Variants in CTR9 observed in about 807,000 individuals in gnomAD.
The protein encoded by CTR9 is CTR9 component of Paf1/RNA polymerase II complex, also known as RNA polymerase-associated protein CTR9 homolog.
CTR9 carries 41 observed loss-of-function variants against 152.1 expected under a neutral mutation model. The ratio of observed to expected loss-of-function variants is 0.27; its 90% CI spans 0.21 to 0.35. CTR9 has a LOEUF of 0.35. Ranked by LOEUF, CTR9 falls within the 10% of genes least tolerant of loss-of-function variation. The pLI is 1.00. For synonymous variants in CTR9, 476 were observed against 496.2 expected (o/e 0.96, Z 0.54); for missense variants, 917 against 1,424.4 (o/e 0.64, Z 5.73).
rs970953177 is a variant in CTR9, at chr11:10,773,068, A to C, written c.2581-59A>C. The C allele has an allele frequency of 7.7e-6, 12 of 1,558,228 alleles. No homozygotes were observed. In the African/African-American group the frequency reaches 1.7e-4, roughly 22 times the overall value. ...TCCTCTGCTTAGGATGGTAGCCATT[A>C]ATTTTTCATCATAAGAAAATTTGCA... is the stretch of plus-strand genomic sequence containing the variant. On this transcript the variant is annotated intron_variant, in intron 20 of 24. Coordinates refer to ENST00000361367, the MANE Select transcript of CTR9 (RefSeq NM_014633.5).
rs540034855 is a variant in CTR9 at position 10,752,743 on chromosome 11, A to C, written c.117A>C (p.Thr39=). 1 of 1,613,800 alleles carries C rather than the reference A, an allele frequency of 6.2e-7. No individual in the cohort carries two copies. Among genetic ancestry groups the C allele is most frequent in the South Asian group, 1.1e-5 (1 of 91,086 alleles). ...TCAGTATTCTGAAACAGGAACACAC[A>C]CAACTGCACATATGGATTGCTTTGG... ...EVISILKQEH[T]QLHIWIALAL... is the part of the protein sequence containing the mutation. Residue 39 remains threonine, a synonymous_variant, in exon 2 of 25, where the codon ACA becomes ACC. Transcript: ENST00000361367.
In CTR9 at chr11:10,763,856, C is replaced by G. The variant is rs758762967; in HGVS notation, c.1171C>G (p.Gln391Glu). The G allele has an allele frequency of 1.2e-6, 2 of 1,606,316 alleles. No homozygotes were observed. Among genetic ancestry groups the G allele is most frequent in the Non-Finnish European group, 8.5e-7 (1 of 1,177,902 alleles). The change falls in exon 9 of 25, where the codon CAA becomes GAA. Residue 391 changes from glutamine to glutamate, a missense_variant. Around this residue, in one of 9 missense-constraint regions of CTR9, gnomAD observed 133 missense variants for 244.1 expected, o/e 0.54. Transcript: ENST00000361367. ...CTCTCTCTATGCTGCCTCAGAAGAT[C>G]AAGAAAAACGAGATATTGCCAAGGT... is the stretch of plus-strand genomic sequence containing the variant. ...LGSLYAASED[Q>E]EKRDIAKGHL...
rs6484480 is a variant in CTR9, at chr11:10,752,445, C to T, written c.46-227C>T. Among the ~76,000 whole-genome samples, 152,168 of 152,342 alleles carry T rather than the reference C, an allele frequency of 1. 75,997 individuals are homozygous for T. Among genetic ancestry groups the T allele is most frequent in the Middle Eastern group, 1 (294 of 294 alleles). ...TCTAGTATTTTATAGTTCCAGTGATCTGGGGACAAGTAGCAGGGTTTGTTT... is the reference window on the plus strand; with the variant it reads ...TCTAGTATTTTATAGTTCCAGTGATTTGGGGACAAGTAGCAGGGTTTGTTT... On this transcript the variant is annotated intron_variant, in intron 1 of 24. Transcript: ENST00000361367.
intron 22 of CTR9, among the ~76,000 whole-genome samples, chr11:10,774,959 A>G (rs1863206983): frequency 6.6e-6 from 1 of 152,184 alleles, no homozygotes; most frequent in African/African-American, 2.4e-5. Context: ...GCAAGATTCA[A>G]ATGCAAATTA....
At chr11:10,777,378 A>G (rs1408528417) in intron 24 of CTR9, among the ~76,000 whole-genome samples, 1 of 152,118 alleles carries the variant, frequency 6.6e-6, no homozygotes, top group Non-Finnish European at 1.5e-5. Context: ...AGCAAGTGAG[A>G]CAGAAATTTT....
chr11:10,772,992 A>G, intron 20 of CTR9, 135 bp from the exon 21 acceptor site: 2 of 993,974 alleles, frequency 2.0e-6, no homozygotes, highest in South Asian at 3.3e-5. Flanking sequence ...GCACCACTGT[A>G]CTCCAGTCTA....
At chr11:10,771,454 CA>C (rs1863141669) in intron 18 of CTR9, 90 bp from the exon 19 acceptor site, 1 of 911,098 alleles carries the variant, frequency 1.1e-6, no homozygotes. Flanking sequence ...AACCTTTTCT[CA>C]GACTTTGTAG....
In CTR9 at chr11:10,755,146, A is replaced by C. The variant is rs533901991; in HGVS notation, c.333A>C (p.Thr111=). 1.2e-6 allele frequency: 2 copies of C among 1,613,854 alleles called. No individual in the cohort carries two copies. The highest frequency in any genetic ancestry group is 3.3e-5 in the Admixed American group (2 of 60,032). ...KNKDNKKDLI[T]QATLLYTMAD... Reference sequence around the variant, plus strand: ...AGGACAATAAAAAGGATCTTATTACACAGGCCACCTTGTTGTATACAATGG... The same window carrying C: ...AGGACAATAAAAAGGATCTTATTACCCAGGCCACCTTGTTGTATACAATGG... The change falls in exon 3 of 25, where the codon ACA becomes ACC. Residue 111 remains threonine, a synonymous_variant. Transcript: ENST00000361367.
chr11:10,770,875 G>T (rs1255523923), intron 18 of CTR9, among the ~76,000 whole-genome samples: 4 of 152,230 alleles, frequency 2.6e-5, no homozygotes, highest in Admixed American at 2.6e-4. Flanking sequence ...TTTGGATCTT[G>T]TAGCTTGACC....
At position 10,767,733 on chromosome 11, in the gene CTR9, C is replaced by T. The variant is rs1863081846; in HGVS notation, c.1687-73C>T. On this transcript the variant is annotated intron_variant, in intron 13 of 24. Transcript: ENST00000361367. The surrounding 1 kb of genome is among the most constrained non-coding windows in gnomAD (Gnocchi z 4.0). ...GTTTGTAAACCTCTTCAGTAATCAG[C>T]TATTGTGGGAAGATGATTGATCTCT... 5 of 1,262,872 alleles carry T rather than the reference C, an allele frequency of 4.0e-6. No homozygotes were observed. The East Asian group carries it at 9.3e-5, about 23-fold the overall frequency. 78.2% of individuals were successfully genotyped at this position (1,262,872 alleles called of 1,614,324 possible). A position where few individuals can be genotyped will look rare whatever the true frequency, so the allele number is the denominator to read the frequency against.
In CTR9 at chr11:10,776,971, G is replaced by GAAAA. The variant is rs11326865; in HGVS notation, c.3095+1360_3095+1363dup. Among the ~76,000 whole-genome samples, 34 of 63,234 alleles carry GAAAA rather than the reference G, an allele frequency of 5.4e-4. 1 individual carries two copies. The highest frequency in any genetic ancestry group is 1.6e-3 in the Admixed American group (6 of 3,708). The allele number at this position is 63,234 out of a possible 152,430, so 41.5% of individuals were successfully genotyped here. On this transcript the variant is annotated intron_variant, in intron 24 of 24. Transcript: ENST00000361367. ...CTGGGCAACAGAATGAGACTCTTGTGAAAAAAAAAAAAAAAAAAAAAAAAA... is the reference window on the plus strand; with the variant it reads ...CTGGGCAACAGAATGAGACTCTTGTGAAAAAAAAAAAAAAAAAAAAAAAAAAAAA...
chr11:10,757,459 G>A (rs1862903654), intron 5 of CTR9, among the ~76,000 whole-genome samples: 1 of 151,276 alleles, frequency 6.6e-6, no homozygotes, highest in African/African-American at 2.4e-5. Flanking sequence ...AGTGCTTGTG[G>A]TCGCACCTAC....
intron 12 of CTR9, among the ~76,000 whole-genome samples, chr11:10,765,475 T>C (rs1863045046): frequency 1.3e-5 from 2 of 152,136 alleles, no homozygotes; most frequent in South Asian, 4.1e-4. Flanking sequence ...TTTTGTTTTG[T>C]TTTTAAGATG....
intron 22 of CTR9, 135 bp downstream of exon 22, chr11:10,774,304 A>G (rs757409331): frequency 4.4e-5 from 47 of 1,075,096 alleles, no homozygotes; most frequent in Non-Finnish European, 6.0e-5. Context: ...CCCACTTCCT[A>G]CTTTAATCCT....
rs1862828214 is a variant in CTR9 at position 10,752,910 on chromosome 11, T to C, written c.144+140T>C. ...GTATGGAAGTTAATTGTGTTAATAA[T>C]TTATGGAACAATAAGGCCGTTTTCC... On this transcript the variant is annotated intron_variant, in intron 2 of 24. Coordinates refer to ENST00000361367, the MANE Select transcript of CTR9 (RefSeq NM_014633.5). The C allele has an allele frequency of 4.4e-6, 3 of 675,076 alleles. No homozygotes were observed. In the Admixed American group the frequency reaches 8.2e-5, roughly 19 times the overall value. The allele number at this position is 675,076 out of a possible 1,614,324, so 41.8% of individuals were successfully genotyped here. A position where few individuals can be genotyped will look rare whatever the true frequency, so the allele number is the denominator to read the frequency against.
intron 22 of CTR9, 97 bp downstream of exon 22, chr11:10,774,266 T>C (rs1358628685): frequency 2.0e-5 from 29 of 1,426,474 alleles, no homozygotes; most frequent in Non-Finnish European, 2.5e-5. Flanking sequence ...GATGAACACT[T>C]GATCCAAACA....
chr11:10,773,255 AGGT>A lies in CTR9; in HGVS notation c.2721_2723del (p.Gly908del). On this transcript the variant is annotated inframe_deletion, in exon 21 of 25. Coordinates refer to ENST00000361367, the MANE Select transcript of CTR9 (RefSeq NM_014633.5). ...CTGAAGCAACAAAAGAGAAGAAAAG[AGGT>A]GGTGGTGGTGGACGGGTAAGATATA... is the stretch of plus-strand genomic sequence containing the variant. 6.2e-7 allele frequency: 1 copy of A among 1,612,444 alleles called. No homozygotes were observed. Among genetic ancestry groups the A allele is most frequent in the Non-Finnish European group, 8.5e-7 (1 of 1,179,626 alleles).
At chr11:10,763,294 T>TA (rs1863006601) in intron 7 of CTR9, 137 bp from the exon 8 acceptor site, 2 of 671,454 alleles carry the variant, frequency 3.0e-6, no homozygotes, top group Non-Finnish European at 5.3e-6. Flanking sequence ...TTATAACTGT[T>TA]ATAGCACTGA....
chr11:10,778,770 C>T lies in CTR9; in HGVS notation c.3187C>T (p.Gln1063Ter). ...ASSESDSDEN[Q>*]NKSGSEAGSP... ...ATCAGAGAGTGATTCCGATGAGAAC[C>T]AGAACAAGTCTGGCAGCGAGGCCGG... The change falls in exon 25 of 25, where the codon CAG (glutamine) becomes TAG (stop). Residue 1063 changes from glutamine to a stop codon, truncating the protein, a stop_gained. Transcript: ENST00000361367. LOFTEE classifies it high-confidence loss of function. The T allele has an allele frequency of 6.2e-7, 1 of 1,614,162 alleles. No individual in the cohort carries two copies. Among genetic ancestry groups the T allele is most frequent in the Non-Finnish European group, 8.5e-7 (1 of 1,180,026 alleles).
Sources: allele counts gnomAD v4.1 joint callset (sites outside exome capture counted in the v4.1 genomes callset), GRCh38; gene constraint gnomAD v4.1.1; regional missense constraint gnomAD v4.1.1; non-coding constraint Gnocchi (gnomAD v3.1); transcripts MANE v1.5; gene names NCBI Gene and HGNC (gene_info 2026-07-23, HGNC 2026-07-21).